The following KIF19 variants were observed in gnomAD, a reference collection of about 807,000 sequenced individuals.
KIF19 encodes kinesin family member 19.
KIF19 carries 98 observed loss-of-function variants against 106.6 expected under a neutral mutation model. The observed-to-expected ratio is 0.92, with a 90% confidence interval of 0.78 to 1.09. The LOEUF (loss-of-function observed/expected upper bound fraction) is 1.09, where lower values mean the gene tolerates loss of function less well. Ranked by LOEUF, KIF19 falls within the 50% of genes least tolerant of loss-of-function variation. The pLI, the probability that KIF19 is intolerant of heterozygous loss-of-function variation, is 0.00. For synonymous variants in KIF19, 516 were observed against 584.2 expected, an observed-to-expected ratio of 0.88 and a Z score of 1.68; for missense variants, 1,373 against 1,414.3, an observed-to-expected ratio of 0.97 and a Z score of 0.47.
intron 1 of KIF19, 130 bp from the exon 2 acceptor site, chr17:74,328,293 TAG>T: frequency 2.7e-6 from 2 of 728,596 alleles, no homozygotes; most frequent in Non-Finnish European, 4.6e-6. Flanking sequence ...CTGACCTAGG[TAG>T]AGTTTTACTT....
At chr17:74,349,639 A>C (rs2054638092) in intron 10 of KIF19, among the ~76,000 whole-genome samples, 1 of 152,196 alleles carries the variant, frequency 6.6e-6, no homozygotes, top group Admixed American at 6.5e-5. Context: ...CAGGGCGCAC[A>C]CTAAGGGCTG....
At chr17:74,349,120 G>T in intron 9 of KIF19, 64 bp from the exon 10 acceptor site, 2 of 1,569,150 alleles carry the variant, frequency 1.3e-6, no homozygotes, top group Middle Eastern at 1.7e-4. Flanking sequence ...GGCCCTGCAG[G>T]CAGGCCTCGG....
Position 74,346,485 on chromosome 17 carries a change from C to G in KIF19, c.885C>G (p.Tyr295Ter). The G allele has an allele frequency of 6.4e-7, 1 of 1,552,072 alleles. No individual in the cohort carries two copies. The highest frequency in any genetic ancestry group is 1.2e-5 in the South Asian group (1 of 84,098). The change falls in exon 8 of 20, where the codon TAC becomes TAG. Residue 295 changes from tyrosine (Y) to a stop codon, truncating the protein, a stop_gained. Coordinates refer to ENST00000389916, the MANE Select transcript of KIF19 (RefSeq NM_153209.4). LOFTEE classifies it high-confidence loss of function. The surrounding 1 kb of genome is among the most constrained non-coding windows in gnomAD (Gnocchi z 4.6). ...NALSDKGSNKYINYRDSKLTR... is the reference protein window; with the variant it reads ...NALSDKGSNK Reference sequence around the variant, plus strand: ...TGAGCGACAAGGGTAGCAACAAGTACATCAACTATCGCGACAGCAAGCTCA... The same window carrying G: ...TGAGCGACAAGGGTAGCAACAAGTAGATCAACTATCGCGACAGCAAGCTCA...
chr17:74,349,418 A>G (rs2054629946), intron 10 of KIF19, 69 bp downstream of exon 10: 1 of 1,453,648 alleles, frequency 6.9e-7, no homozygotes, highest in Non-Finnish European at 9.2e-7. Flanking sequence ...GGATCAGGCC[A>G]TGTTGTGTTC....
In KIF19 at chr17:74,347,874, G is replaced by A. The variant is rs866688448; in HGVS notation, c.1022G>A (p.Gly341Asp). The A allele has an allele frequency of 6.3e-7, 1 of 1,583,400 alleles. No individual in the cohort carries two copies. Among genetic ancestry groups the A allele is most frequent in the Non-Finnish European group, 8.6e-7 (1 of 1,165,346 alleles). ...EESRNTLTYA[G>D]RAKNIKTRVK... ...TCCCGGAACACCCTGACCTACGCCG[G>A]CCGGGCCAAGAACATTAAGACTAGG... Residue 341 changes from glycine to aspartate, a missense_variant, in exon 9 of 20, where the codon GGC (glycine) becomes GAC (aspartate). Transcript: ENST00000389916.
At chr17:74,351,363 C>A (rs367678650) in intron 12 of KIF19, 3 of 169,744 alleles carry the variant, frequency 1.8e-5, no homozygotes, top group South Asian at 3.0e-4. Context: ...TGTGGTGGCT[C>A]ACGCCTGTAA....
intron 7 of KIF19, among the ~76,000 whole-genome samples, chr17:74,345,741 C>T (rs192547054): frequency 7.2e-5 from 11 of 152,234 alleles, no homozygotes; most frequent in East Asian, 1.9e-4. Context: ...GGGTCGGATC[C>T]GAACAGGGCA....
rs772308267 is a variant in KIF19, at chr17:74,355,238, C to T, written c.2923C>T (p.Arg975Trp). 24 of 1,612,612 alleles carry T rather than the reference C, an allele frequency of 1.5e-5. No homozygotes were observed. Among genetic ancestry groups the T allele is most frequent in the South Asian group, 8.8e-5 (8 of 91,024 alleles). Residue 975 changes from arginine to tryptophan, a missense_variant, in exon 20 of 20, where the codon CGG becomes TGG. Physicochemically the swap from Arg to Trp is moderately radical, Grantham distance 101 (BLOSUM62 -3). Coordinates refer to ENST00000389916, the MANE Select transcript of KIF19 (RefSeq NM_153209.4). Reference sequence around the variant, plus strand: ...CCCCAACCCAGGTGGTGGTTCTCGACGGGCTACCCGTGGGCCCCGCCTGCC... The same window carrying T: ...CCCCAACCCAGGTGGTGGTTCTCGATGGGCTACCCGTGGGCCCCGCCTGCC... Reference protein sequence around the residue: ...VPPNPGGGSRRATRGPRLPHG... With the variant: ...VPPNPGGGSRWATRGPRLPHG...
Position 74,354,514 on chromosome 17 carries a change from G to C in KIF19, c.2661G>C (p.Lys887Asn). 6.2e-7 allele frequency: 1 copy of C among 1,603,936 alleles called. No individual in the cohort carries two copies. The highest frequency in any genetic ancestry group is 2.2e-5 in the East Asian group (1 of 44,478). Residue 887 changes from lysine to asparagine, a missense_variant, in exon 18 of 20, where the codon AAG (lysine) becomes AAC (asparagine). Transcript: ENST00000389916. The stretch of plus-strand genomic sequence containing the variant: ...AAAGGGAGGAGTCGCTGGAGGCAAA[G>C]AGAAGGAAGCGGAGGTCCCGATCCT... ...GKKREESLEA[K>N]RRKRRSRSFE...
intron 1 of KIF19, 25 bp downstream of exon 1, chr17:74,326,413 C>T (rs1245804498): frequency 1.1e-5 from 18 of 1,609,376 alleles, no homozygotes; most frequent in South Asian, 3.3e-5. Context: ...GACCCTCCTC[C>T]CCACCCCGCT....
intron 2 of KIF19, among the ~76,000 whole-genome samples, chr17:74,338,320 A>C (rs1236547180): frequency 6.6e-6 from 1 of 152,264 alleles, no homozygotes; most frequent in Non-Finnish European, 1.5e-5. Flanking sequence ...ACACCAGAGC[A>C]GGGCTCATGC....
At position 74,352,883 on chromosome 17, in the gene KIF19, G is replaced by A. The variant is rs779124570; in HGVS notation, c.2043G>A (p.Glu681=). 11 of 1,613,874 alleles carry A rather than the reference G, an allele frequency of 6.8e-6. No individual in the cohort carries two copies. The highest frequency in any genetic ancestry group is 5.3e-5 in the African/African-American group (4 of 74,928). Residue 681 remains glutamate, a synonymous_variant, in exon 15 of 20, where the codon GAG becomes GAA. Coordinates refer to ENST00000389916, the MANE Select transcript of KIF19 (RefSeq NM_153209.4). Reference sequence around the variant, plus strand: ...CACTGACCCCAGATTCTGACCTGGAGAGTGTGAAGACATTGAGCTCTGATG... The same window carrying A: ...CACTGACCCCAGATTCTGACCTGGAAAGTGTGAAGACATTGAGCTCTGATG... ...GTSLTPDSDL[E]SVKTLSSDAQ...
chr17:74,341,779 G>A (rs1021410246), intron 2 of KIF19, 97 bp from the exon 3 acceptor site: 13 of 830,772 alleles, frequency 1.6e-5, no homozygotes, highest in Admixed American at 3.6e-5. Flanking sequence ...AACTCTGATC[G>A]ACAAAGGGGT....
intron 2 of KIF19, among the ~76,000 whole-genome samples, chr17:74,334,156 A>G (rs2054167287): frequency 6.6e-6 from 1 of 151,990 alleles, no homozygotes; most frequent in Non-Finnish European, 1.5e-5. Context: ...CTGGCTGAAT[A>G]ATGTTTGAGG....
rs781281301 is a variant in KIF19, at chr17:74,355,224, G to T, written c.2909G>T (p.Gly970Val). ...SSPLAVPPNP[G>V]GGSRRATRGP... ...CCCCTGGCTGTTCCCCCCAACCCAGGTGGTGGTTCTCGACGGGCTACCCGT... is the reference window on the plus strand; with the variant it reads ...CCCCTGGCTGTTCCCCCCAACCCAGTTGGTGGTTCTCGACGGGCTACCCGT... The change falls in exon 20 of 20, where the codon GGT (glycine) becomes GTT (valine). Residue 970 changes from glycine (G) to valine (V), a missense_variant. Around this residue, in one of 3 missense-constraint regions of KIF19, gnomAD observed 1,020 missense variants for 1,008.2 expected, o/e 1.01. Coordinates refer to ENST00000389916, the MANE Select transcript of KIF19 (RefSeq NM_153209.4). The T allele has an allele frequency of 6.2e-7, 1 of 1,612,736 alleles. No individual in the cohort carries two copies.
chr17:74,329,431 G>C (rs898005250), intron 2 of KIF19: 9 of 148,236 alleles, frequency 6.1e-5, no homozygotes, highest in African/African-American at 1.8e-4. Context: ...CTGGGTGACA[G>C]AGTGGGACTC....
rs1491024081 is a variant in KIF19 at position 74,354,314 on chromosome 17, G to GC, written c.2462dup (p.Arg822AlafsTer22). The GC allele has an allele frequency of 6.2e-7, 1 of 1,608,292 alleles. No individual in the cohort carries two copies. The highest frequency in any genetic ancestry group is 2.2e-5 in the East Asian group (1 of 44,808). On this transcript the variant is annotated frameshift_variant, in exon 18 of 20. Coordinates refer to ENST00000389916, the MANE Select transcript of KIF19 (RefSeq NM_153209.4). LOFTEE classifies it high-confidence loss of function. ...GCACTCACTGAGCGAGGGCGACGAT[G>GC]CGCGGCCACCAGGCCCACTGGCCTG...
chr17:74,348,967 G>T, intron 9 of KIF19: 1 of 574,342 alleles, frequency 1.7e-6, no homozygotes, highest in Non-Finnish European at 3.1e-6. Flanking sequence ...ACGGGTGGAG[G>T]AATGAGGACG....
chr17:74,338,899 C>T (rs1447506266), intron 2 of KIF19, among the ~76,000 whole-genome samples: 2 of 151,878 alleles, frequency 1.3e-5, no homozygotes, highest in Non-Finnish European at 2.9e-5. Context: ...CCAGAGCGGC[C>T]ACCCCTCATG....
Sources: allele counts gnomAD v4.1 joint callset (sites outside exome capture counted in the v4.1 genomes callset), GRCh38; gene constraint gnomAD v4.1.1; regional missense constraint gnomAD v4.1.1; non-coding constraint Gnocchi (gnomAD v3.1); transcripts MANE v1.5; gene names NCBI Gene and HGNC (gene_info 2026-07-23, HGNC 2026-07-21).